Variants in TMEM132D observed in about 807,000 individuals in gnomAD.
TMEM132D encodes mature OL transmembrane protein.
TMEM132D carries 21 observed loss-of-function variants against 62.3 expected under a neutral mutation model. That is an observed-to-expected ratio of 0.34 (90% CI 0.24 to 0.49). The LOEUF is 0.49. Ranked by LOEUF, TMEM132D falls within the 20% of genes least tolerant of loss-of-function variation. TMEM132D has a pLI of 0.99. For missense variants in TMEM132D, 1,346 were observed against 1,402.8 expected (o/e 0.96, Z 0.65); for synonymous variants, 621 against 575.6 (o/e 1.08, Z -1.13).
At chr12:129,577,420 A>G (rs1877700414) in intron 2 of TMEM132D, among the ~76,000 whole-genome samples, 1 of 148,130 alleles carries the variant, frequency 6.8e-6, no homozygotes, top group Non-Finnish European at 1.5e-5. Flanking sequence ...ATATAATTAT[A>G]TAAATATATA....
intron 3 of TMEM132D, among the ~76,000 whole-genome samples, chr12:129,397,472 T>C (rs1416946977): frequency 6.6e-6 from 1 of 152,164 alleles, no homozygotes; most frequent in African/African-American, 2.4e-5. Context: ...AATCTAGCTC[T>C]GGAAAGCGAT....
chr12:129,840,058 A>G lies in TMEM132D; in HGVS notation c.79+63203T>C, dbSNP rs900185211. ...AATATGTGTATTATTACACCTATGA[A>G]TGTACTAATATATTATGTACATTAA... On this transcript the variant is annotated intron_variant, in intron 1 of 8. Transcript: ENST00000422113. 17 of 152,358 alleles carry G rather than the reference A, an allele frequency of 1.1e-4. 1 individual carries two copies. The East Asian group carries it at 2.9e-3, about 26-fold the overall frequency. 9.4% of individuals were successfully genotyped at this position (152,358 alleles called of 1,614,324 possible).
intron 5 of TMEM132D, among the ~76,000 whole-genome samples, chr12:129,129,360 T>A (rs942097944): frequency 6.6e-6 from 1 of 152,244 alleles, no homozygotes; most frequent in African/African-American, 2.4e-5. Context: ...TTCCATGGTA[T>A]ATGTACCATG....
chr12:129,374,210 G>A (rs1451534380), intron 3 of TMEM132D, among the ~76,000 whole-genome samples: 1 of 151,678 alleles, frequency 6.6e-6, no homozygotes, highest in African/African-American at 2.4e-5. Flanking sequence ...GCATGGTCAG[G>A]TGAGGATTAG....
chr12:129,134,341 T>G (rs950784654), intron 5 of TMEM132D, among the ~76,000 whole-genome samples: 1 of 152,222 alleles, frequency 6.6e-6, no homozygotes, highest in Non-Finnish European at 1.5e-5. Flanking sequence ...TGGATATGTT[T>G]GTTTTCTTTA....
chr12:129,386,933 G>A (rs906005646), intron 3 of TMEM132D, among the ~76,000 whole-genome samples: 20 of 141,400 alleles, frequency 1.4e-4, no homozygotes, highest in East Asian at 4.4e-4. Context: ...CACCAATGCC[G>A]ATGCCAACAC....
chr12:129,582,512 T>C (rs1041208526), intron 2 of TMEM132D, among the ~76,000 whole-genome samples: 10 of 152,228 alleles, frequency 6.6e-5, no homozygotes, highest in Admixed American at 4.6e-4. Context: ...AGCTCTGCCT[T>C]GAGGGCTGGC....
At chr12:129,487,031 T>TGGA (rs771790075) in intron 3 of TMEM132D, among the ~76,000 whole-genome samples, 3 of 70,490 alleles carry the variant, frequency 4.3e-5, no homozygotes, top group African/African-American at 1.3e-4. Flanking sequence ...TGTTTGCGTA[T>TGGA]GGGGGGGGGG....
intron 4 of TMEM132D, among the ~76,000 whole-genome samples, chr12:129,309,123 A>T (rs151158639): frequency 2.0e-5 from 3 of 152,340 alleles, no homozygotes; most frequent in Non-Finnish European, 4.4e-5. Context: ...GAACAAACAC[A>T]TTCAAAGGTC....
At position 129,318,962 on chromosome 12, in the gene TMEM132D, A is replaced by C. The variant is rs149109304; in HGVS notation, c.1299+18672T>G. ...CCACACCAACTGAAGGGCTGGTTTC[A>C]CTCCCATTGTGCCCTCCGCAACAGT... is the stretch of plus-strand genomic sequence containing the variant. On this transcript the variant is annotated intron_variant, in intron 4 of 8. Coordinates refer to ENST00000422113, the MANE Select transcript of TMEM132D (RefSeq NM_133448.3). 7.6e-3 allele frequency among the ~76,000 whole-genome samples: 1,156 copies of C among 151,770 alleles called. 14 individuals carry two copies. Among genetic ancestry groups the C allele is most frequent in the African/African-American group, 0.025 (1,038 of 41,326 alleles).
intron 5 of TMEM132D, among the ~76,000 whole-genome samples, chr12:129,142,014 A>AAT (rs1390446768): frequency 1.4e-5 from 2 of 148,016 alleles, no homozygotes; most frequent in African/African-American, 4.9e-5. Context: ...TATATATATA[A>AAT]ATATATATAT....
At chr12:129,817,617 G>C (rs550856965) in intron 1 of TMEM132D, among the ~76,000 whole-genome samples, 25 of 149,996 alleles carry the variant, frequency 1.7e-4, no homozygotes, top group Admixed American at 1.6e-3. Context: ...GTGTAGTATG[G>C]GGTGTGCCTC....
intron 2 of TMEM132D, among the ~76,000 whole-genome samples, chr12:129,543,238 G>T (rs1876634195): frequency 8.0e-6 from 1 of 125,224 alleles, no homozygotes; most frequent in African/African-American, 3.0e-5. Flanking sequence ...TGGATGGATG[G>T]ATGAGTGGGT....
At chr12:129,352,535 A>T (rs1253102034) in intron 3 of TMEM132D, among the ~76,000 whole-genome samples, 5 of 152,010 alleles carry the variant, frequency 3.3e-5, no homozygotes, top group Non-Finnish European at 7.4e-5. Flanking sequence ...AATATCCAGA[A>T]TCTACAAGGA....
intron 2 of TMEM132D, among the ~76,000 whole-genome samples, chr12:129,582,289 C>T (rs1394404680): frequency 6.6e-6 from 1 of 152,194 alleles, no homozygotes; most frequent in Non-Finnish European, 1.5e-5. Flanking sequence ...GGGTATTTGG[C>T]TTGTTTCTGT....
At chr12:129,541,478 C>T (rs1593058595) in intron 2 of TMEM132D, among the ~76,000 whole-genome samples, 2 of 152,190 alleles carry the variant, frequency 1.3e-5, no homozygotes, top group African/African-American at 4.8e-5. Flanking sequence ...ATATAGGCTG[C>T]ACCCCTCAAC....
intron 2 of TMEM132D, among the ~76,000 whole-genome samples, chr12:129,684,155 A>T (rs2137210975): frequency 6.6e-6 from 1 of 152,296 alleles, no homozygotes; most frequent in African/African-American, 2.4e-5. Flanking sequence ...AAAAAAAGGC[A>T]GATATGGTTT....
At chr12:129,660,291 G>A (rs902472779) in intron 2 of TMEM132D, among the ~76,000 whole-genome samples, 1 of 138,474 alleles carries the variant, frequency 7.2e-6, no homozygotes, top group African/African-American at 2.7e-5. Context: ...GAAGCACACA[G>A]TGGTTCACTG....
chr12:129,452,788 T>G (rs1873337204), intron 3 of TMEM132D, among the ~76,000 whole-genome samples: 1 of 152,208 alleles, frequency 6.6e-6, no homozygotes. Flanking sequence ...TCGTCTGATT[T>G]ACCCTTCTCC....
Sources: allele counts gnomAD v4.1 joint callset (sites outside exome capture counted in the v4.1 genomes callset), GRCh38; gene constraint gnomAD v4.1.1; transcripts MANE v1.5; gene names NCBI Gene and HGNC (gene_info 2026-07-23, HGNC 2026-07-21).